The following STK32C variants were observed in gnomAD, a reference collection of about 807,000 sequenced individuals.
The protein encoded by STK32C is serine/threonine-protein kinase 32C.
In STK32C, 31 loss-of-function variants were observed where a neutral mutation model predicts 56.5. That is an observed-to-expected ratio of 0.55 (90% confidence interval 0.41 to 0.74). The LOEUF is 0.74. Among genes scored for constraint, STK32C ranks in the 30% least tolerant of loss-of-function variants. The probability of loss-of-function intolerance (pLI) is 0.00; values close to 1 mark genes in which losing one functional copy is unlikely to be tolerated. For missense variants in STK32C, 544 were observed against 676.9 expected (o/e 0.80, Z 2.18); for synonymous variants, 309 against 289.4 (o/e 1.07, Z -0.69).
intron 1 of STK32C, among the ~76,000 whole-genome samples, chr10:132,271,148 G>A (rs1034630727): frequency 5.3e-5 from 8 of 152,112 alleles, no homozygotes; most frequent in African/African-American, 9.7e-5. Flanking sequence ...TGTCCTAACC[G>A]GGGCCTTCCA....
intron 1 of STK32C, among the ~76,000 whole-genome samples, chr10:132,293,117 T>G (rs10128535): frequency 0.025 from 3,777 of 152,242 alleles, 166 homozygotes; most frequent in African/African-American, 0.086. Flanking sequence ...GTGCAGCGCG[T>G]GCATGCGTGC....
intron 10 of STK32C, among the ~76,000 whole-genome samples, chr10:132,219,964 G>A (rs930693935): frequency 6.6e-6 from 1 of 152,226 alleles, no homozygotes; most frequent in Admixed American, 6.5e-5. Context: ...AGGGACCCAG[G>A]GTCATCACCG....
chr10:132,217,609 C>T (rs1453447122), intron 10 of STK32C, among the ~76,000 whole-genome samples: 1 of 152,138 alleles, frequency 6.6e-6, no homozygotes, highest in African/African-American at 2.4e-5. Flanking sequence ...TGAATTGTGA[C>T]TCCCACAATT....
intron 1 of STK32C, among the ~76,000 whole-genome samples, chr10:132,271,926 G>A (rs959055320): frequency 5.3e-5 from 8 of 152,214 alleles, no homozygotes; most frequent in African/African-American, 1.4e-4. Flanking sequence ...CTCAGTGCCC[G>A]GACGCCCGGA....
At chr10:132,251,434 G>A (rs563018857) in intron 1 of STK32C, among the ~76,000 whole-genome samples, 1 of 152,274 alleles carries the variant, frequency 6.6e-6, no homozygotes, top group Admixed American at 6.5e-5. Flanking sequence ...CCTCAGAGGG[G>A]AGTGGGCATG....
At chr10:132,291,782 C>A (rs1261567943) in intron 1 of STK32C, among the ~76,000 whole-genome samples, 2 of 140,924 alleles carry the variant, frequency 1.4e-5, no homozygotes, top group African/African-American at 5.1e-5. Context: ...TGCCTGCCGT[C>A]CTGCACTGAA....
intron 1 of STK32C, among the ~76,000 whole-genome samples, chr10:132,305,947 G>A (rs1406500654): frequency 2.0e-5 from 3 of 152,326 alleles, no homozygotes; most frequent in Admixed American, 6.5e-5. Flanking sequence ...ACCGTCAGCC[G>A]AATCTCTGCC....
At chr10:132,227,657 T>A (rs1356865425) in intron 3 of STK32C, among the ~76,000 whole-genome samples, 1 of 152,060 alleles carries the variant, frequency 6.6e-6, no homozygotes, top group Admixed American at 6.6e-5. Context: ...AGTTTTTCAG[T>A]CCCTAAACTC....
At chr10:132,265,141 G>A (rs11146284) in intron 1 of STK32C, among the ~76,000 whole-genome samples, 10,870 of 146,536 alleles carry the variant, frequency 0.074, 677 homozygotes, top group African/African-American at 0.14. Context: ...GGGCAGTGAG[G>A]TGGGCTCTGG....
At chr10:132,241,755 T>C (rs2063508584) in intron 2 of STK32C, among the ~76,000 whole-genome samples, 1 of 152,174 alleles carries the variant, frequency 6.6e-6, no homozygotes, top group Non-Finnish European at 1.5e-5. Flanking sequence ...GAGAGAGGCC[T>C]GCACCCTCGA....
chr10:132,232,671 C>A (rs910789004), intron 2 of STK32C, among the ~76,000 whole-genome samples: 2 of 152,116 alleles, frequency 1.3e-5, no homozygotes, highest in Admixed American at 1.3e-4. Flanking sequence ...AGGAACAAGC[C>A]AACCCCGGGC....
intron 1 of STK32C, among the ~76,000 whole-genome samples, chr10:132,293,339 C>A (rs896391377): frequency 6.6e-6 from 1 of 152,262 alleles, no homozygotes; most frequent in Non-Finnish European, 1.5e-5. Context: ...GTGAGCCACT[C>A]TCAGGCCAGG....
chr10:132,237,606 A>T (rs1170123959), intron 2 of STK32C, among the ~76,000 whole-genome samples: 1 of 152,154 alleles, frequency 6.6e-6, no homozygotes, highest in Non-Finnish European at 1.5e-5. Context: ...GCGGAGGTGA[A>T]CCCAAAGCAG....
At chr10:132,304,692 AT>A (rs1363239159) in intron 1 of STK32C, among the ~76,000 whole-genome samples, 2 of 152,254 alleles carry the variant, frequency 1.3e-5, no homozygotes, top group African/African-American at 4.8e-5. Flanking sequence ...AAATGCATAC[AT>A]TTTAATGCTT....
chr10:132,221,605 G>C (rs1424654118), intron 10 of STK32C, among the ~76,000 whole-genome samples: 1 of 143,780 alleles, frequency 7.0e-6, no homozygotes, highest in Non-Finnish European at 1.5e-5. Flanking sequence ...GGGTGAGTGT[G>C]AGGGCTTCAG....
chr10:132,303,161 G>T (rs746535484), intron 1 of STK32C, among the ~76,000 whole-genome samples: 6 of 152,248 alleles, frequency 3.9e-5, no homozygotes, highest in Non-Finnish European at 8.8e-5. Flanking sequence ...GAGGGGCTGC[G>T]TGGGAGGCCT....
intron 10 of STK32C, 86 bp downstream of exon 10, chr10:132,222,554 CA>C: frequency 6.5e-7 from 1 of 1,532,184 alleles, no homozygotes; most frequent in Non-Finnish European, 8.8e-7. Flanking sequence ...TGTGCGCTGC[CA>C]GGGGTCCCCA....
rs147127816 is a variant in STK32C, at chr10:132,273,040, T to C, written c.263-27085A>G. On this transcript the variant is annotated intron_variant, in intron 1 of 11. Transcript: ENST00000298630. ...CCATATCCCTATTTAGTGTGTCGTTTTCACCAAGATTTCACCCCAATGAAG... is the reference window on the plus strand; with the variant it reads ...CCATATCCCTATTTAGTGTGTCGTTCTCACCAAGATTTCACCCCAATGAAG... 2.0e-5 allele frequency among the ~76,000 whole-genome samples: 3 copies of C among 152,288 alleles called. No homozygotes were observed. In the East Asian group the frequency reaches 5.8e-4, roughly 29 times the overall value.
Position 132,225,878 on chromosome 10 carries a change from C to A in STK32C, c.645-94G>T, listed in dbSNP as rs990491848. On this transcript the variant is annotated intron_variant, in intron 4 of 11. Coordinates refer to ENST00000298630, the MANE Select transcript of STK32C (RefSeq NM_173575.4). ...CAATCCCTGGAGTCCCCAGGACATC[C>A]CACCAACCCACTCGAGGCAGAGGCC... 3 of 1,512,456 alleles carry A rather than the reference C, an allele frequency of 2.0e-6. No individual in the cohort carries two copies. In the Admixed American group the frequency reaches 5.0e-5, roughly 25 times the overall value. 93.7% of individuals were successfully genotyped at this position (1,512,456 alleles called of 1,614,324 possible). A position where few individuals can be genotyped will look rare whatever the true frequency, so the allele number is the denominator to read the frequency against.
Sources: allele counts gnomAD v4.1 joint callset (sites outside exome capture counted in the v4.1 genomes callset), GRCh38; gene constraint gnomAD v4.1.1; transcripts MANE v1.5; gene names NCBI Gene and HGNC (gene_info 2026-07-23, HGNC 2026-07-21).